Variants in ST8SIA6 observed in about 807,000 individuals in gnomAD.
The protein encoded by ST8SIA6 is ST8 alpha-N-acetyl-neuraminide alpha-2,8-sialyltransferase 6.
Under a neutral mutation model 33.6 loss-of-function variants are expected in ST8SIA6, and 39 were observed. The ratio of observed to expected loss-of-function variants is 1.16; its 90% CI spans 0.90 to 1.52. The LOEUF (loss-of-function observed/expected upper bound fraction) is 1.52, where lower values mean the gene tolerates loss of function less well. ST8SIA6 is among the 40% of genes most tolerant of loss of function. ST8SIA6 has a pLI of 0.00. For synonymous variants in ST8SIA6, 172 were observed against 167.2 expected (o/e 1.03, Z -0.22); for missense variants, 441 against 443.8 (o/e 0.99, Z 0.06).
In ST8SIA6 at chr10:17,359,549, T is replaced by C; in HGVS notation, c.342A>G (p.Pro114=). ...CATATTCTTCTGCTTGCCGTTTCCATGGACAACTCTGTATATCTGTGATAA... is the reference window on the plus strand; with the variant it reads ...CATATTCTTCTGCTTGCCGTTTCCACGGACAACTCTGTATATCTGTGATAA... ...LQIITDIQSC[P]WKRQAEEYAN... is the part of the protein sequence containing the mutation. The change falls in exon 4 of 8, where the codon CCA becomes CCG. Residue 114 remains proline, a synonymous_variant. Coordinates refer to ENST00000377602, the MANE Select transcript of ST8SIA6 (RefSeq NM_001004470.3). The C allele has an allele frequency of 6.2e-7, 1 of 1,608,526 alleles. No homozygotes were observed. The highest frequency in any genetic ancestry group is 8.5e-7 in the Non-Finnish European group (1 of 1,177,996).
At chr10:17,390,437 C>T in intron 3 of ST8SIA6, 94 bp downstream of exon 3, 2 of 1,084,384 alleles carry the variant, frequency 1.8e-6, no homozygotes, top group Non-Finnish European at 2.8e-6. Context: ...AGTGAACAGT[C>T]TCATATTCCA....
At chr10:17,341,801 T>C (rs917283192) in intron 4 of ST8SIA6, among the ~76,000 whole-genome samples, 6 of 140,432 alleles carry the variant, frequency 4.3e-5, no homozygotes, top group African/African-American at 1.6e-4. Flanking sequence ...CTCAGGAGGC[T>C]GAAGCAAGAG....
chr10:17,374,613 C>T (rs1046724306), intron 3 of ST8SIA6, among the ~76,000 whole-genome samples: 3 of 151,312 alleles, frequency 2.0e-5, no homozygotes, highest in East Asian at 3.9e-4. Context: ...TCTTGGGAGG[C>T]GGAGGTAGGA....
chr10:17,340,190 C>T (rs964756234), intron 4 of ST8SIA6, among the ~76,000 whole-genome samples: 2 of 152,158 alleles, frequency 1.3e-5, no homozygotes, highest in Non-Finnish European at 2.9e-5. Context: ...TCGTTCTCTT[C>T]GTCTCCTTGC....
At chr10:17,424,288 G>A (rs977848329) in intron 2 of ST8SIA6, among the ~76,000 whole-genome samples, 15 of 152,086 alleles carry the variant, frequency 9.9e-5, no homozygotes, top group African/African-American at 3.6e-4. Context: ...ATATTTAGTA[G>A]GACTGAGGTT....
intron 2 of ST8SIA6, among the ~76,000 whole-genome samples, chr10:17,446,839 A>T (rs575857211): frequency 6.6e-6 from 1 of 151,630 alleles, no homozygotes; most frequent in Non-Finnish European, 1.5e-5. Context: ...GCAGCAGGTG[A>T]ATCACCTGAG....
intron 4 of ST8SIA6, among the ~76,000 whole-genome samples, chr10:17,350,077 G>A (rs1015143260): frequency 2.0e-5 from 3 of 152,154 alleles, no homozygotes; most frequent in African/African-American, 7.2e-5. Context: ...AGGGATAACT[G>A]GTTCTAAACT....
intron 2 of ST8SIA6, among the ~76,000 whole-genome samples, chr10:17,446,725 C>T (rs1462560436): frequency 6.6e-6 from 1 of 151,962 alleles, no homozygotes; most frequent in Non-Finnish European, 1.5e-5. Context: ...CAAAGATTCA[C>T]TTCACAAAAT....
At chr10:17,326,900 A>G in intron 6 of ST8SIA6, 114 bp downstream of exon 6, 1 of 685,644 alleles carries the variant, frequency 1.5e-6, no homozygotes, top group Admixed American at 4.0e-5. Context: ...TAATTTGTAG[A>G]CTTTTGTAAC....
intron 6 of ST8SIA6, among the ~76,000 whole-genome samples, chr10:17,324,333 A>T (rs986111974): frequency 6.6e-6 from 1 of 152,134 alleles, no homozygotes; most frequent in Non-Finnish European, 1.5e-5. Flanking sequence ...CATTGATATA[A>T]AAGCTATGTC....
At chr10:17,395,379 A>G (rs944984596) in intron 2 of ST8SIA6, among the ~76,000 whole-genome samples, 5 of 152,068 alleles carry the variant, frequency 3.3e-5, no homozygotes, top group African/African-American at 1.2e-4. Context: ...ATGCAGAGGG[A>G]CCCACCTAAA....
At chr10:17,403,742 G>A (rs1261487514) in intron 2 of ST8SIA6, 1 of 152,118 alleles carries the variant, frequency 6.6e-6, no homozygotes, top group East Asian at 1.9e-4. Flanking sequence ...ATTCCCTGAT[G>A]TAAGAATCCT....
intron 3 of ST8SIA6, among the ~76,000 whole-genome samples, chr10:17,388,987 A>T (rs1359618909): frequency 6.6e-6 from 1 of 152,144 alleles, no homozygotes; most frequent in Non-Finnish European, 1.5e-5. Flanking sequence ...ACCTAAGATC[A>T]GTACTTGAGA....
At chr10:17,433,401 C>T (rs1294735868) in intron 2 of ST8SIA6, among the ~76,000 whole-genome samples, 1 of 152,184 alleles carries the variant, frequency 6.6e-6, no homozygotes, top group African/African-American at 2.4e-5. Context: ...TAATATCCAA[C>T]CGTTGGTAAT....
chr10:17,448,997 T>C (rs1852822639), intron 2 of ST8SIA6, among the ~76,000 whole-genome samples: 1 of 151,292 alleles, frequency 6.6e-6, no homozygotes. Flanking sequence ...TAGAATAAAA[T>C]ATTCAAAGTC....
chr10:17,330,547 A>T (rs1025449802), intron 5 of ST8SIA6, among the ~76,000 whole-genome samples: 1 of 152,074 alleles, frequency 6.6e-6, no homozygotes, highest in African/African-American at 2.4e-5. Context: ...ATCCTAATAT[A>T]AAAAAAATTG....
At chr10:17,367,657 C>T (rs535558699) in intron 3 of ST8SIA6, among the ~76,000 whole-genome samples, 3 of 152,026 alleles carry the variant, frequency 2.0e-5, no homozygotes, top group Non-Finnish European at 4.4e-5. Context: ...AAATGATGAC[C>T]CATTTTTCAA....
At chr10:17,450,489 G>A (rs765309477) in intron 2 of ST8SIA6, among the ~76,000 whole-genome samples, 1 of 152,136 alleles carries the variant, frequency 6.6e-6, no homozygotes, top group Non-Finnish European at 1.5e-5. Context: ...CACCCAGGCT[G>A]GAGTGCAGTG....
At chr10:17,417,066 C>T (rs1459314413) in intron 2 of ST8SIA6, among the ~76,000 whole-genome samples, 2 of 152,120 alleles carry the variant, frequency 1.3e-5, no homozygotes, top group East Asian at 3.8e-4. Context: ...AGCATCGTGC[C>T]AGCATCTGCT....
Sources: gnomAD v4.1 joint callset for allele counts (sites outside exome capture counted in the v4.1 genomes callset) on GRCh38, gnomAD v4.1.1 for gene constraint, MANE v1.5 for transcripts, NCBI Gene and HGNC (gene_info 2026-07-23, HGNC 2026-07-21) for gene names.